The following EXOC6B variants were observed in gnomAD, a reference collection of about 807,000 sequenced individuals.
The protein encoded by EXOC6B is exocyst complex component 6B, also known as SEC15 homolog B.
EXOC6B carries 54 observed loss-of-function variants against 113.5 expected under a neutral mutation model. The ratio of observed to expected loss-of-function variants is 0.48; its 90% CI spans 0.38 to 0.60. The LOEUF (loss-of-function observed/expected upper bound fraction) is 0.60, where lower values mean the gene tolerates loss of function less well. Ranked by LOEUF, EXOC6B falls within the 20% of genes least tolerant of loss-of-function variation. The pLI is 0.00. For synonymous variants in EXOC6B, 357 were observed against 339.0 expected (o/e 1.05, Z -0.58); for missense variants, 797 against 977.5 (o/e 0.82, Z 2.46).
chr2:72,631,016 G>A (rs1672356501), intron 6 of EXOC6B, among the ~76,000 whole-genome samples: 2 of 152,084 alleles, frequency 1.3e-5, no homozygotes, highest in Admixed American at 1.3e-4. Flanking sequence ...CTACATAACA[G>A]TGCATTCATC....
intron 1 of EXOC6B, among the ~76,000 whole-genome samples, chr2:72,752,736 TAA>T (rs1682137363): frequency 1.3e-5 from 2 of 152,320 alleles, no homozygotes; most frequent in South Asian, 2.1e-4. Flanking sequence ...ATATTCTTGC[TAA>T]AGTCAATAAA....
chr2:72,784,800 G>A (rs1558999879), intron 1 of EXOC6B, among the ~76,000 whole-genome samples: 1 of 152,008 alleles, frequency 6.6e-6, no homozygotes, highest in Admixed American at 6.6e-5. Flanking sequence ...TTCCACCCCT[G>A]GCCCCTCTAA....
chr2:72,458,224 T>C (rs1368699216), intron 18 of EXOC6B, among the ~76,000 whole-genome samples: 1 of 152,164 alleles, frequency 6.6e-6, no homozygotes, highest in Non-Finnish European at 1.5e-5. Flanking sequence ...ACAAATGATT[T>C]GGGTTCTTTT....
chr2:72,414,034 T>C (rs1694365810), intron 18 of EXOC6B, among the ~76,000 whole-genome samples: 1 of 152,250 alleles, frequency 6.6e-6, no homozygotes, highest in South Asian at 2.1e-4. Context: ...TCTTGTTTTG[T>C]AACACATTGA....
At position 72,179,120 on chromosome 2, in the gene EXOC6B, C is replaced by G; in HGVS notation, c.*215G>C. ...ACACAGATAGTGTAGTAATAACTTC[C>G]CCTGAGTCCCAGCCTAGCAACATCT... On this transcript the variant is annotated 3_prime_UTR_variant, in exon 22 of 22. Coordinates refer to ENST00000272427, the MANE Select transcript of EXOC6B (RefSeq NM_015189.3). 1 of 527,072 alleles carries G rather than the reference C, an allele frequency of 1.9e-6. No homozygotes were observed. Among genetic ancestry groups the G allele is most frequent in the South Asian group, 3.0e-5 (1 of 33,346 alleles). 32.6% of individuals were successfully genotyped at this position (527,072 alleles called of 1,614,324 possible). A position where few individuals can be genotyped will look rare whatever the true frequency, so the allele number is the denominator to read the frequency against.
intron 1 of EXOC6B, among the ~76,000 whole-genome samples, chr2:72,776,147 T>A: frequency 6.6e-6 from 1 of 152,294 alleles, no homozygotes; most frequent in Non-Finnish European, 1.5e-5. Flanking sequence ...TTCTTATAAC[T>A]GTATGTGAAA....
Position 72,363,576 on chromosome 2 carries a change from C to T in EXOC6B, c.2122+16153G>A, listed in dbSNP as rs1277547803. ...GCTGGATATGCTTAATATGAATTAG[C>T]AGATTTGCTAACTGCTGCTACTGAT... On this transcript the variant is annotated intron_variant, in intron 19 of 21. Transcript: ENST00000272427. Among the ~76,000 whole-genome samples the T allele has an allele frequency of 2.6e-5, 4 of 151,886 alleles. No homozygotes were observed. The South Asian group carries it at 6.2e-4, about 24-fold the overall frequency.
chr2:72,400,704 A>T (rs2105156628), intron 18 of EXOC6B, among the ~76,000 whole-genome samples: 1 of 152,026 alleles, frequency 6.6e-6, no homozygotes, highest in East Asian at 1.9e-4. Context: ...CAACATCACT[A>T]ATTATCAGAG....
chr2:72,200,351 C>A (rs41391), intron 20 of EXOC6B, among the ~76,000 whole-genome samples: 41,402 of 152,078 alleles, frequency 0.27, 5,969 homozygotes, highest in African/African-American at 0.3. Flanking sequence ...GATTCTAAAT[C>A]TAATGAATTT....
chr2:72,293,968 A>G (rs1315239835), intron 20 of EXOC6B, among the ~76,000 whole-genome samples: 2 of 152,142 alleles, frequency 1.3e-5, no homozygotes, highest in African/African-American at 2.4e-5. Context: ...AAGACTTAAG[A>G]CAGAAACCAG....
chr2:72,595,292 T>TATATAGATATATAG (rs1558828060), intron 6 of EXOC6B, among the ~76,000 whole-genome samples: 2 of 143,018 alleles, frequency 1.4e-5, no homozygotes, highest in East Asian at 4.1e-4. Context: ...TAGATATATA[T>TATATAGATATATAG]ATCTATATAT....
chr2:72,625,970 TA>T (rs940269369), intron 6 of EXOC6B, among the ~76,000 whole-genome samples: 3 of 152,208 alleles, frequency 2.0e-5, no homozygotes, highest in Admixed American at 2.0e-4. Context: ...AAGTTCCTAC[TA>T]ATCTATTCCT....
At chr2:72,385,017 G>T (rs938549043) in intron 18 of EXOC6B, among the ~76,000 whole-genome samples, 1 of 152,060 alleles carries the variant, frequency 6.6e-6, no homozygotes, top group Middle Eastern at 3.4e-3. Context: ...TAATGCTAAA[G>T]TTCGTATGGA....
chr2:72,440,809 A>G lies in EXOC6B; in HGVS notation c.1980+24351T>C, dbSNP rs567790973. Among the ~76,000 whole-genome samples, 4 of 152,290 alleles carry G rather than the reference A, an allele frequency of 2.6e-5. No homozygotes were observed. In the South Asian group the frequency reaches 6.2e-4, roughly 24 times the overall value. On this transcript the variant is annotated intron_variant, in intron 18 of 21. Transcript: ENST00000272427. Reference sequence around the variant, plus strand: ...CCATCTTACATGCAGTGTCACACATAGGCTCAAAATAAAGGGATGGAGGAA... The same window carrying G: ...CCATCTTACATGCAGTGTCACACATGGGCTCAAAATAAAGGGATGGAGGAA...
intron 18 of EXOC6B, among the ~76,000 whole-genome samples, chr2:72,400,111 AAC>A (rs902833625): frequency 1.3e-5 from 2 of 152,166 alleles, no homozygotes; most frequent in African/African-American, 4.8e-5. Flanking sequence ...AAGAAGAGAG[AAC>A]ACAGAAATAA....
rs1284611118 is a variant in EXOC6B at position 72,178,109 on chromosome 2, G to A, written c.*1226C>T. On this transcript the variant is annotated 3_prime_UTR_variant, in exon 22 of 22. Coordinates refer to ENST00000272427, the MANE Select transcript of EXOC6B (RefSeq NM_015189.3). ...GATGGCTTTGGGGATCTCAAAAGAG[G>A]GTGGGAACCTTGGGCTTGAGCAACA... 1 of 152,134 alleles carries A rather than the reference G, an allele frequency of 6.6e-6. No homozygotes were observed. Among genetic ancestry groups the A allele is most frequent in the African/African-American group, 2.4e-5 (1 of 41,410 alleles). 9.4% of individuals were successfully genotyped at this position (152,134 alleles called of 1,614,324 possible).
chr2:72,370,256 A>G (rs1201020642), intron 19 of EXOC6B, among the ~76,000 whole-genome samples: 4 of 152,246 alleles, frequency 2.6e-5, no homozygotes, highest in Admixed American at 2.6e-4. Flanking sequence ...AAGACACATG[A>G]AAAAATGCTC....
At chr2:72,658,017 T>C (rs1287978448) in intron 6 of EXOC6B, among the ~76,000 whole-genome samples, 2 of 150,284 alleles carry the variant, frequency 1.3e-5, no homozygotes, top group African/African-American at 4.9e-5. Context: ...AATATATATA[T>C]ATATAATTAA....
At chr2:72,355,692 G>C (rs542307604) in intron 19 of EXOC6B, among the ~76,000 whole-genome samples, 5 of 152,310 alleles carry the variant, frequency 3.3e-5, no homozygotes, top group Admixed American at 6.5e-5. Context: ...ACTGCAGAAA[G>C]AAGCAGCTTA....
Sources: allele counts gnomAD v4.1 joint callset (sites outside exome capture counted in the v4.1 genomes callset), GRCh38; gene constraint gnomAD v4.1.1; transcripts MANE v1.5; gene names NCBI Gene and HGNC (gene_info 2026-07-23, HGNC 2026-07-21).